The following GXYLT2 variants were observed in gnomAD, a reference collection of about 807,000 sequenced individuals.
GXYLT2 encodes glycosyltransferase 8 domain containing 4.
A neutral mutation model predicts 45.8 loss-of-function variants in GXYLT2; 53 were observed. That is an observed-to-expected ratio of 1.16 (90% confidence interval 0.93 to 1.46). The LOEUF (loss-of-function observed/expected upper bound fraction) is 1.46. GXYLT2 is among the 40% of genes most tolerant of loss of function. The pLI is 0.00. For synonymous variants in GXYLT2, 219 were observed against 214.2 expected (o/e 1.02, Z -0.19); for missense variants, 551 against 544.4 (o/e 1.01, Z -0.12).
intron 1 of GXYLT2, among the ~76,000 whole-genome samples, chr3:72,903,346 T>C (rs1315680208): frequency 6.6e-6 from 1 of 152,162 alleles, no homozygotes; most frequent in Non-Finnish European, 1.5e-5. Context: ...AGAACTTGGG[T>C]AAACTTGAGA....
intron 3 of GXYLT2, among the ~76,000 whole-genome samples, chr3:72,947,038 G>T (rs1479292363): frequency 6.6e-6 from 1 of 151,890 alleles, no homozygotes; most frequent in Non-Finnish European, 1.5e-5. Flanking sequence ...TTATTGAAGA[G>T]ATGAGGCCTT....
intron 3 of GXYLT2, among the ~76,000 whole-genome samples, chr3:72,951,191 A>AT (rs11398405): frequency 0.23 from 34,455 of 150,424 alleles, 4,437 homozygotes; most frequent in South Asian, 0.41. Flanking sequence ...TCAAAAAGTG[A>AT]TTTTTTTTTT....
intron 3 of GXYLT2, among the ~76,000 whole-genome samples, chr3:72,922,948 A>G (rs1197663180): frequency 9.2e-5 from 14 of 151,662 alleles, no homozygotes; most frequent in Admixed American, 9.2e-4. Flanking sequence ...GTGAAATCCC[A>G]TCTCTACAAA....
rs1288816148 is a variant in GXYLT2, at chr3:72,974,969, T to C, written c.1150-8T>C. 2.0e-6 allele frequency: 3 copies of C among 1,532,752 alleles called. No individual in the cohort carries two copies. Among genetic ancestry groups the C allele is most frequent in the Non-Finnish European group, 2.6e-6 (3 of 1,136,972 alleles). 94.9% of individuals were successfully genotyped at this position (1,532,752 alleles called of 1,614,324 possible). On this transcript the variant is annotated splice_region_variant and splice_polypyrimidine_tract_variant and intron_variant, in intron 6 of 6. Coordinates refer to ENST00000389617, the MANE Select transcript of GXYLT2 (RefSeq NM_001080393.2). ...TACTAAATAAACTTTTTTTTTGTCA[T>C]CTTTCAGTTTCCCTTTCAAGACAAT...
Position 72,910,226 on chromosome 3 carries a change from A to C in GXYLT2, c.468+1667A>C, listed in dbSNP as rs182464882. On this transcript the variant is annotated intron_variant, in intron 2 of 6. Transcript: ENST00000389617. ...TTCAAAGGTAACCTTTGAAGAAGGT[A>C]ATTATTATGTCCCAATTTTACAGAC... Among the ~76,000 whole-genome samples the C allele has an allele frequency of 5.9e-5, 9 of 152,242 alleles. No homozygotes were observed. The East Asian group carries it at 1.7e-3, about 29-fold the overall frequency.
At chr3:72,938,977 T>C (rs1710243253) in intron 3 of GXYLT2, among the ~76,000 whole-genome samples, 1 of 152,210 alleles carries the variant, frequency 6.6e-6, no homozygotes. Context: ...AATGCAGCCA[T>C]GACATTGGTA....
At chr3:72,972,353 C>T (rs1711000595) in intron 6 of GXYLT2, among the ~76,000 whole-genome samples, 1 of 143,024 alleles carries the variant, frequency 7.0e-6, no homozygotes, top group Non-Finnish European at 1.5e-5. Context: ...CTTTAAGAAG[C>T]ATATATTCTG....
intron 2 of GXYLT2, among the ~76,000 whole-genome samples, 161 bp downstream of exon 2, chr3:72,908,720 A>T (rs1280872178): frequency 6.6e-6 from 1 of 152,198 alleles, no homozygotes; most frequent in Non-Finnish European, 1.5e-5. Context: ...AGGGATAATT[A>T]TACCTACCTC....
chr3:72,906,336 G>A (rs995420137), intron 1 of GXYLT2, among the ~76,000 whole-genome samples: 3 of 152,000 alleles, frequency 2.0e-5, no homozygotes, highest in Admixed American at 6.6e-5. Flanking sequence ...CACATGGCTC[G>A]CTACCTCCCC....
At chr3:72,974,901 ATTTC>A in intron 6 of GXYLT2, 72 bp from the exon 7 acceptor site, 1 of 1,102,196 alleles carries the variant, frequency 9.1e-7, no homozygotes, top group Non-Finnish European at 1.3e-6. Context: ...TTCCTGTGTC[ATTTC>A]TTAGTAAAAA....
intron 3 of GXYLT2, among the ~76,000 whole-genome samples, chr3:72,941,050 T>C (rs1178632676): frequency 2.0e-5 from 3 of 152,188 alleles, no homozygotes; most frequent in Non-Finnish European, 2.9e-5. Flanking sequence ...ACGTAATGTA[T>C]GCAAGCTATC....
chr3:72,910,467 A>G (rs1264985730), intron 2 of GXYLT2, among the ~76,000 whole-genome samples: 1 of 152,172 alleles, frequency 6.6e-6, no homozygotes, highest in Non-Finnish European at 1.5e-5. Flanking sequence ...CCCATCTGCA[A>G]CTTGAGGCTA....
intron 3 of GXYLT2, among the ~76,000 whole-genome samples, chr3:72,933,626 G>A (rs1288299138): frequency 2.0e-5 from 3 of 152,118 alleles, no homozygotes; most frequent in Non-Finnish European, 4.4e-5. Flanking sequence ...AAGGATGTTG[G>A]GGCTGGACAC....
chr3:72,905,420 T>A (rs944324000), intron 1 of GXYLT2, among the ~76,000 whole-genome samples: 1 of 152,246 alleles, frequency 6.6e-6, no homozygotes, highest in Non-Finnish European at 1.5e-5. Context: ...CCTGTTGTTT[T>A]TCATTCTCTT....
intron 3 of GXYLT2, chr3:72,929,050 C>T: frequency 1.3e-6 from 2 of 1,572,630 alleles, no homozygotes; most frequent in Non-Finnish European, 8.6e-7. Flanking sequence ...CCGTGACGAC[C>T]GCGTCCACCT....
chr3:72,908,650 C>A, intron 2 of GXYLT2, 91 bp downstream of exon 2: 1 of 1,083,068 alleles, frequency 9.2e-7, no homozygotes, highest in Non-Finnish European at 1.3e-6. Flanking sequence ...ATGTATTTTG[C>A]TGCATGTTCA....
intron 5 of GXYLT2, among the ~76,000 whole-genome samples, chr3:72,960,296 C>T (rs1260889121): frequency 6.6e-6 from 1 of 152,160 alleles, no homozygotes; most frequent in Admixed American, 6.5e-5. Flanking sequence ...TGTCCATATT[C>T]CCAAATTGAG....
intron 3 of GXYLT2, among the ~76,000 whole-genome samples, chr3:72,938,189 A>G (rs1047254281): frequency 1.3e-5 from 2 of 152,242 alleles, no homozygotes; most frequent in African/African-American, 4.8e-5. Context: ...GGCACTCTGT[A>G]AAACTCTTTT....
intron 5 of GXYLT2, among the ~76,000 whole-genome samples, chr3:72,964,501 T>G: frequency 6.6e-6 from 1 of 151,970 alleles, no homozygotes; most frequent in Non-Finnish European, 1.5e-5. Context: ...TTTTGTATTT[T>G]TAGTAGAGGT....
Sources: gnomAD v4.1 joint callset for allele counts (sites outside exome capture counted in the v4.1 genomes callset) on GRCh38, gnomAD v4.1.1 for gene constraint, MANE v1.5 for transcripts, NCBI Gene and HGNC (gene_info 2026-07-23, HGNC 2026-07-21) for gene names.